The following ZMYM2 variants were observed in gnomAD, a reference collection of about 807,000 sequenced individuals.
The protein encoded by ZMYM2 is zinc finger MYM-type containing 2.
A neutral mutation model predicts 162.8 loss-of-function variants in ZMYM2; 56 were observed. The ratio of observed to expected loss-of-function variants is 0.34; its 90% CI spans 0.28 to 0.43. The LOEUF (loss-of-function observed/expected upper bound fraction) is 0.43, where lower values mean the gene tolerates loss of function less well. ZMYM2 is among the 20% of genes least tolerant of loss of function. ZMYM2 has a pLI of 1.00. For missense variants in ZMYM2, 1,275 were observed against 1,621.8 expected, an observed-to-expected ratio of 0.79 and a Z score of 3.67; for synonymous variants, 510 against 541.6, an observed-to-expected ratio of 0.94 and a Z score of 0.81.
the ZMYM2 span, among the ~76,000 whole-genome samples, chr13:19,914,660 G>A: frequency 4.6e-5 from 7 of 152,208 alleles, no homozygotes; most frequent in South Asian, 1.4e-3. Context: ...TACCATCTGT[G>A]CATTTACGTA....
chr13:19,876,629 T>C, the ZMYM2 span, among the ~76,000 whole-genome samples: 2 of 152,202 alleles, frequency 1.3e-5, no homozygotes, highest in African/African-American at 4.8e-5. Flanking sequence ...GGCCTAAAAT[T>C]TTTCAAAAAG....
At chr13:20,049,997 C>T (rs1167452881) in intron 12 of ZMYM2, among the ~76,000 whole-genome samples, 5 of 151,848 alleles carry the variant, frequency 3.3e-5, no homozygotes, top group Admixed American at 1.3e-4. Flanking sequence ...AGAACAGTCT[C>T]GCTGGTGAGA....
intron 9 of ZMYM2, among the ~76,000 whole-genome samples, chr13:20,029,990 T>A (rs1952935899): frequency 6.6e-6 from 1 of 151,894 alleles, no homozygotes; most frequent in South Asian, 2.1e-4. Flanking sequence ...AGACGGACTT[T>A]CGCCACATTG....
At chr13:20,036,100 A>T (rs1388161198) in intron 11 of ZMYM2, among the ~76,000 whole-genome samples, 2 of 152,178 alleles carry the variant, frequency 1.3e-5, no homozygotes, top group African/African-American at 4.8e-5. Context: ...CATTCTACTT[A>T]CATAGCACAG....
At chr13:20,062,783 TA>T in intron 17 of ZMYM2, 62 bp from the exon 18 acceptor site, 1 of 1,444,944 alleles carries the variant, frequency 6.9e-7, no homozygotes, top group Non-Finnish European at 9.2e-7. Flanking sequence ...TTTGCCAGAT[TA>T]AATACAGATA....
At chr13:19,983,897 G>A (rs180828070) in intron 2 of ZMYM2, among the ~76,000 whole-genome samples, 4 of 152,218 alleles carry the variant, frequency 2.6e-5, no homozygotes, top group Admixed American at 6.5e-5. Context: ...TAAAGTGCTG[G>A]GATTACAGGC....
At chr13:20,079,550 T>C (rs1957776224) in intron 21 of ZMYM2, among the ~76,000 whole-genome samples, 1 of 152,140 alleles carries the variant, frequency 6.6e-6, no homozygotes, top group Non-Finnish European at 1.5e-5. Context: ...AAGGGAGCCA[T>C]ATGTGTATAG....
chr13:19,980,448 T>A (rs761636747), intron 2 of ZMYM2, among the ~76,000 whole-genome samples: 1 of 152,062 alleles, frequency 6.6e-6, no homozygotes, highest in East Asian at 1.9e-4. Context: ...TACTCATCTC[T>A]TTTTAGAATT....
chr13:20,086,301 C>T lies in ZMYM2; in HGVS notation c.*287C>T, dbSNP rs1958263803. The T allele has an allele frequency of 7.6e-6, 2 of 263,934 alleles. No homozygotes were observed. Among genetic ancestry groups the T allele is most frequent in the South Asian group, 2.3e-4 (2 of 8,670 alleles). 16.3% of individuals were successfully genotyped at this position (263,934 alleles called of 1,614,324 possible). A position where few individuals can be genotyped will look rare whatever the true frequency, so the allele number is the denominator to read the frequency against. ...ATTACAGAATATGAATGAGAATGTG[C>T]CATGTATAATTTTTTTCTTGTAGTA... On this transcript the variant is annotated 3_prime_UTR_variant, in exon 25 of 25. Coordinates refer to ENST00000610343, the MANE Select transcript of ZMYM2 (RefSeq NM_197968.4).
At chr13:19,888,668 C>T in the ZMYM2 span, among the ~76,000 whole-genome samples, 1 of 151,752 alleles carries the variant, frequency 6.6e-6, no homozygotes, top group Non-Finnish European at 1.5e-5. Flanking sequence ...GGTGTGATTT[C>T]AGCTCATTGC....
rs1164012582 is a variant in ZMYM2 at position 20,088,358 on chromosome 13, C to G, written c.*2344C>G. On this transcript the variant is annotated 3_prime_UTR_variant, in exon 25 of 25. Coordinates refer to ENST00000610343, the MANE Select transcript of ZMYM2 (RefSeq NM_197968.4). Reference sequence around the variant, plus strand: ...AAGGACAATGAAATGATAGCAATTTCCTTTTGCTTCTAGGTGATCTCTGAT... The same window carrying G: ...AAGGACAATGAAATGATAGCAATTTGCTTTTGCTTCTAGGTGATCTCTGAT... The G allele has an allele frequency of 9.8e-6, 2 of 205,024 alleles. No homozygotes were observed. Among genetic ancestry groups the G allele is most frequent in the Non-Finnish European group, 2.0e-5 (2 of 100,114 alleles). The allele number at this position is 205,024 out of a possible 1,614,324, so 12.7% of individuals were successfully genotyped here.
At chr13:19,883,955 C>T in the ZMYM2 span, among the ~76,000 whole-genome samples, 1 of 152,196 alleles carries the variant, frequency 6.6e-6, no homozygotes, top group East Asian at 1.9e-4. Flanking sequence ...CGGGGTTTCA[C>T]CATGTTGCGC....
chr13:19,880,891 GTTT>G, the ZMYM2 span, among the ~76,000 whole-genome samples: 1 of 141,170 alleles, frequency 7.1e-6, no homozygotes, highest in East Asian at 2.0e-4. Flanking sequence ...TTTTTGTTTT[GTTT>G]TTTGTTTTTT....
At chr13:19,915,388 C>G in the ZMYM2 span, among the ~76,000 whole-genome samples, 1 of 151,074 alleles carries the variant, frequency 6.6e-6, no homozygotes, top group African/African-American at 2.5e-5. Context: ...AGCCACCATG[C>G]CTGCATGCTT....
chr13:19,994,009 T>A (rs1328260668), intron 3 of ZMYM2, 90 bp downstream of exon 3: 18 of 1,396,416 alleles, frequency 1.3e-5, no homozygotes, highest in Non-Finnish European at 1.7e-5. Context: ...ATTACCTTGT[T>A]TAGTTTCATC....
intron 14 of ZMYM2, among the ~76,000 whole-genome samples, chr13:20,055,503 T>TG (rs1955721553): frequency 6.6e-6 from 1 of 152,172 alleles, no homozygotes; most frequent in Non-Finnish European, 1.5e-5. Flanking sequence ...ATTTTTGTTG[T>TG]TTAGAAGGGC....
chr13:19,868,595 C>T, the ZMYM2 span, among the ~76,000 whole-genome samples: 1 of 152,080 alleles, frequency 6.6e-6, no homozygotes, highest in Non-Finnish European at 1.5e-5. Flanking sequence ...ATAGGCTTTT[C>T]AGGGAACAGA....
At position 20,037,518 on chromosome 13, in the gene ZMYM2, T is replaced by C. The variant is rs150920502; in HGVS notation, c.2292+609T>C. Among the ~76,000 whole-genome samples the C allele has an allele frequency of 1.1e-3, 173 of 152,276 alleles. 1 individual carries two copies. In the Middle Eastern group the frequency reaches 0.017, roughly 15 times the overall value. On this transcript the variant is annotated intron_variant, in intron 12 of 24. Coordinates refer to ENST00000610343, the MANE Select transcript of ZMYM2 (RefSeq NM_197968.4). ...CGTGAGCCACCAATGCCCAGCTAAA[T>C]AGAAATACTTTCAACTATGTTATCA...
chr13:19,932,341 C>T, the ZMYM2 span, among the ~76,000 whole-genome samples: 149 of 152,074 alleles, frequency 9.8e-4, no homozygotes, highest in Non-Finnish European at 1.6e-3. Context: ...ATCCGATTAG[C>T]GCACTTATAA....
Sources: gnomAD v4.1 joint callset for allele counts (sites outside exome capture counted in the v4.1 genomes callset) on GRCh38, gnomAD v4.1.1 for gene constraint, MANE v1.5 for transcripts, NCBI Gene and HGNC (gene_info 2026-07-23, HGNC 2026-07-21) for gene names.